The following AUTS2 variants were observed in gnomAD, a reference collection of about 807,000 sequenced individuals.
AUTS2 encodes autism susceptibility gene 2 protein.
A neutral mutation model predicts 112.4 loss-of-function variants in AUTS2; 17 were observed. That is an observed-to-expected ratio of 0.15 (90% CI 0.10 to 0.23). The LOEUF (loss-of-function observed/expected upper bound fraction) is 0.23. AUTS2 is among the 10% of genes least tolerant of loss of function. The pLI, the probability that AUTS2 is intolerant of heterozygous loss-of-function variation, is 1.00. For missense variants in AUTS2, 1,510 were observed against 1,701.6 expected (o/e 0.89, Z 1.98); for synonymous variants, 751 against 702.7 (o/e 1.07, Z -1.09).
rs34343975 is a variant in AUTS2, at chr7:70,792,143, C to CTGA, written c.*1150_*1152dup. On this transcript the variant is annotated 3_prime_UTR_variant, in exon 19 of 19. Transcript: ENST00000342771. ...CTGACGGATGTAAGGTGCACGTTTC[C>CTGA]TGATGTGACGCACTGTATTCCAGCT... is the stretch of plus-strand genomic sequence containing the variant. The CTGA allele has an allele frequency of 0.073, 11,134 of 152,584 alleles. 510 individuals are homozygous for CTGA. Among genetic ancestry groups the CTGA allele is most frequent in the Middle Eastern group, 0.15 (45 of 294 alleles). The allele number at this position is 152,584 out of a possible 1,614,324, so 9.5% of individuals were successfully genotyped here. A position where few individuals can be genotyped will look rare whatever the true frequency, so the allele number is the denominator to read the frequency against.
intron 4 of AUTS2, among the ~76,000 whole-genome samples, chr7:70,167,057 C>G (rs1266468180): frequency 6.6e-6 from 1 of 152,116 alleles, no homozygotes; most frequent in East Asian, 1.9e-4. Flanking sequence ...GAAACCCTGT[C>G]TCTGCTGAAA....
At chr7:69,673,280 G>A (rs530069006) in intron 1 of AUTS2, among the ~76,000 whole-genome samples, 1 of 152,314 alleles carries the variant, frequency 6.6e-6, no homozygotes, top group African/African-American at 2.4e-5. Context: ...TGGCAGGCCT[G>A]TTCCTGGTAC....
chr7:70,477,887 C>A (rs889032222), intron 5 of AUTS2, among the ~76,000 whole-genome samples: 1 of 152,260 alleles, frequency 6.6e-6, no homozygotes, highest in Non-Finnish European at 1.5e-5. Flanking sequence ...GATGTTGGGT[C>A]ATCCGGGGAA....
intron 1 of AUTS2, among the ~76,000 whole-genome samples, chr7:69,697,480 T>C (rs553102345): frequency 3.3e-5 from 5 of 152,210 alleles, no homozygotes; most frequent in Non-Finnish European, 7.3e-5. Flanking sequence ...ATATGAGAAG[T>C]GCTGTGGTGA....
Position 70,257,695 on chromosome 7 carries a change from C to T in AUTS2, c.660+123124C>T, listed in dbSNP as rs554103042. 1.9e-3 allele frequency among the ~76,000 whole-genome samples: 286 copies of T among 150,822 alleles called. 1 individual carries two copies. Among genetic ancestry groups the T allele is most frequent in the Non-Finnish European group, 3.5e-3 (236 of 67,776 alleles). On this transcript the variant is annotated intron_variant, in intron 4 of 18. Transcript: ENST00000342771. Reference sequence around the variant, plus strand: ...CTGGTCTCAAACTTCTGGGCCTGAGCGATCCTCCCACCTTGGCCTCTCAAA... The same window carrying T: ...CTGGTCTCAAACTTCTGGGCCTGAGTGATCCTCCCACCTTGGCCTCTCAAA...
intron 2 of AUTS2, among the ~76,000 whole-genome samples, chr7:70,058,953 C>T (rs1802117869): frequency 6.6e-6 from 1 of 152,186 alleles, no homozygotes; most frequent in East Asian, 1.9e-4. Flanking sequence ...GCATCCCTGA[C>T]TATAAGCTTC....
chr7:70,075,122 T>G (rs1050221850), intron 2 of AUTS2, among the ~76,000 whole-genome samples: 1 of 152,220 alleles, frequency 6.6e-6, no homozygotes, highest in Admixed American at 6.5e-5. Flanking sequence ...AGCTTCTGCT[T>G]AGAGGAGCTG....
chr7:70,022,439 G>T (rs1800320174), intron 2 of AUTS2, among the ~76,000 whole-genome samples: 1 of 151,602 alleles, frequency 6.6e-6, no homozygotes, highest in Non-Finnish European at 1.5e-5. Context: ...TCCTGCCTTA[G>T]CCCCCAAGTA....
At chr7:70,397,676 C>T (rs1383978561) in intron 4 of AUTS2, among the ~76,000 whole-genome samples, 1 of 151,990 alleles carries the variant, frequency 6.6e-6, no homozygotes, top group African/African-American at 2.4e-5. Context: ...CACACACACA[C>T]ACACATTCTG....
At chr7:69,772,034 C>T (rs1269527787) in intron 1 of AUTS2, among the ~76,000 whole-genome samples, 1 of 152,144 alleles carries the variant, frequency 6.6e-6, no homozygotes, top group Non-Finnish European at 1.5e-5. Flanking sequence ...ATCTGCCTGC[C>T]TCGCCCTCCC....
chr7:70,234,379 CTCAG>C (rs1171670210), intron 4 of AUTS2, among the ~76,000 whole-genome samples: 1 of 152,158 alleles, frequency 6.6e-6, no homozygotes, highest in African/African-American at 2.4e-5. Flanking sequence ...CAACTCTTCT[CTCAG>C]TATTTTCTTT....
chr7:69,932,307 G>A (rs1796255517), intron 2 of AUTS2, among the ~76,000 whole-genome samples: 1 of 152,138 alleles, frequency 6.6e-6, no homozygotes, highest in Non-Finnish European at 1.5e-5. Context: ...CATCCCAGCT[G>A]GTATACAAGT....
chr7:70,037,111 G>A (rs1234796427), intron 2 of AUTS2, among the ~76,000 whole-genome samples: 1 of 152,074 alleles, frequency 6.6e-6, no homozygotes, highest in Non-Finnish European at 1.5e-5. Context: ...TGAGCCTGGA[G>A]GACATTATGC....
At chr7:70,078,566 C>G (rs975369339) in intron 2 of AUTS2, among the ~76,000 whole-genome samples, 4 of 152,160 alleles carry the variant, frequency 2.6e-5, no homozygotes, top group Non-Finnish European at 5.9e-5. Context: ...CATGCTCTAC[C>G]TACCTCATGT....
intron 1 of AUTS2, among the ~76,000 whole-genome samples, chr7:69,817,214 A>C (rs966572786): frequency 2.6e-5 from 4 of 152,232 alleles, no homozygotes; most frequent in Non-Finnish European, 5.9e-5. Flanking sequence ...ATTGCATAGT[A>C]AAGGGATTGC....
chr7:69,640,433 G>T (rs1432512836), intron 1 of AUTS2, among the ~76,000 whole-genome samples: 4 of 152,200 alleles, frequency 2.6e-5, no homozygotes, highest in African/African-American at 7.2e-5. Context: ...AATGAATCCA[G>T]TTGTCAGTCT....
At chr7:69,754,619 A>G (rs182816779) in intron 1 of AUTS2, among the ~76,000 whole-genome samples, 10 of 152,116 alleles carry the variant, frequency 6.6e-5, no homozygotes, top group South Asian at 2.1e-4. Context: ...TGTGGGGCCT[A>G]TTTAGGTCAT....
intron 4 of AUTS2, among the ~76,000 whole-genome samples, chr7:70,215,889 T>G (rs1312752475): frequency 6.6e-6 from 1 of 152,234 alleles, no homozygotes; most frequent in Admixed American, 6.5e-5. Flanking sequence ...TGTTTTAGTT[T>G]AGTAATACAA....
intron 5 of AUTS2, among the ~76,000 whole-genome samples, chr7:70,656,246 C>T (rs1806764884): frequency 6.6e-6 from 1 of 151,938 alleles, no homozygotes; most frequent in Non-Finnish European, 1.5e-5. Flanking sequence ...CTTTGCAGTA[C>T]AGAAATACAT....
Sources: allele counts gnomAD v4.1 joint callset (sites outside exome capture counted in the v4.1 genomes callset), GRCh38; gene constraint gnomAD v4.1.1; transcripts MANE v1.5; gene names NCBI Gene and HGNC (gene_info 2026-07-23, HGNC 2026-07-21).